Variants in SBNO2 observed in about 807,000 individuals in gnomAD.
SBNO2 encodes the protein strawberry notch homolog 2.
SBNO2 carries 89 observed loss-of-function variants against 146.3 expected under a neutral mutation model. That is an observed-to-expected ratio of 0.61 (90% CI 0.51 to 0.73). The LOEUF is 0.73. SBNO2 is among the 30% of genes least tolerant of loss of function. The pLI is 0.00. For synonymous variants in SBNO2, 1,147 were observed against 892.6 expected (o/e 1.29, Z -5.08); for missense variants, 2,092 against 2,003.7 (o/e 1.04, Z -0.84).
intron 2 of SBNO2, among the ~76,000 whole-genome samples, chr19:1,153,571 CTT>C (rs1355126875): frequency 2.7e-5 from 4 of 150,288 alleles, no homozygotes; most frequent in Non-Finnish European, 5.9e-5. Context: ...GAGTCTCACT[CTT>C]GTCGCCCAGG....
intron 14 of SBNO2, among the ~76,000 whole-genome samples, chr19:1,118,753 C>T (rs3826958): frequency 0.54 from 81,336 of 151,664 alleles, 22,523 homozygotes; most frequent in African/African-American, 0.68. Flanking sequence ...GCACCTGTAA[C>T]TCCAGCTACT....
chr19:1,131,566 C>G (rs1184309347), intron 4 of SBNO2, among the ~76,000 whole-genome samples: 1 of 152,208 alleles, frequency 6.6e-6, no homozygotes, highest in Non-Finnish European at 1.5e-5. Flanking sequence ...CTCCAGGACC[C>G]ATGGGGAGCC....
At position 1,140,771 on chromosome 19, in the gene SBNO2, C is replaced by A. The variant is rs1052677564; in HGVS notation, c.279+6538G>T. Reference sequence around the variant, plus strand: ...CTGCTGACCCCGCCTTGGGCAGGACCAGCCTCTGCTCAGCCTTGGGTCTTC... The same window carrying A: ...CTGCTGACCCCGCCTTGGGCAGGACAAGCCTCTGCTCAGCCTTGGGTCTTC... On this transcript the variant is annotated intron_variant, in intron 4 of 31. Transcript: ENST00000361757. This position sits in a 1 kb window ranked among gnomAD's most constrained non-coding sequence, Gnocchi z 4.4. Among the ~76,000 whole-genome samples the A allele has an allele frequency of 3.9e-5, 6 of 152,136 alleles. No individual in the cohort carries two copies. The highest frequency in any genetic ancestry group is 3.9e-4 in the Admixed American group (6 of 15,268).
Position 1,110,278 on chromosome 19 carries a change from G to A in SBNO2, c.3028+467C>T, listed in dbSNP as rs1397452798. Among the ~76,000 whole-genome samples the A allele has an allele frequency of 2.0e-5, 3 of 152,166 alleles. No homozygotes were observed. Among genetic ancestry groups the A allele is most frequent in the African/African-American group, 7.2e-5 (3 of 41,430 alleles). The stretch of plus-strand genomic sequence containing the variant: ...GAAGTGGTCCTGATGGACAGGCCTG[G>A]CCCCATGAGGCTGGAAGCACAGGCT... On this transcript the variant is annotated intron_variant, in intron 26 of 31. Coordinates refer to ENST00000361757, the MANE Select transcript of SBNO2 (RefSeq NM_014963.3). The surrounding 1 kb of genome is among the most constrained non-coding windows in gnomAD (Gnocchi z 4.9).
In SBNO2 at chr19:1,173,885, G is replaced by A. The variant is rs2080505024; in HGVS notation, c.-127+287C>T. The A allele has an allele frequency of 6.7e-6, 1 of 149,808 alleles. No homozygotes were observed. The highest frequency in any genetic ancestry group is 2.1e-4 in the South Asian group (1 of 4,714). 9.3% of individuals were successfully genotyped at this position (149,808 alleles called of 1,614,324 possible). On this transcript the variant is annotated intron_variant, in intron 1 of 31. Transcript: ENST00000361757. The surrounding 1 kb of genome is among the most constrained non-coding windows in gnomAD (Gnocchi z 4.7). Reference sequence around the variant, plus strand: ...AAGGTTGGGAGGGTTGTCGTGGAAGGTAGGGTTAAGGTTCACGGCAGGGGG... The same window carrying A: ...AAGGTTGGGAGGGTTGTCGTGGAAGATAGGGTTAAGGTTCACGGCAGGGGG...
intron 11 of SBNO2, among the ~76,000 whole-genome samples, chr19:1,121,817 AC>A (rs1416631160): frequency 1.3e-5 from 2 of 152,160 alleles, no homozygotes; most frequent in African/African-American, 4.8e-5. Context: ...ACTTATCAGA[AC>A]CAAGAAACCA....
intron 4 of SBNO2, chr19:1,128,369 A>G (rs2079991665): frequency 6.0e-6 from 2 of 334,692 alleles, no homozygotes; most frequent in South Asian, 4.4e-5. Context: ...CGCGCTGCCC[A>G]GTGAAGGAGA....
rs986678748 is a variant in SBNO2 at position 1,157,478 on chromosome 19, G to A, written c.-126-3076C>T. ...CCCCGAGCCTCAGAGCCACGGGCCA[G>A]CCAAACGTCCAGCGGGCAGCAGAGC... On this transcript the variant is annotated intron_variant, in intron 1 of 31. Coordinates refer to ENST00000361757, the MANE Select transcript of SBNO2 (RefSeq NM_014963.3). The surrounding 1 kb of genome is among the most constrained non-coding windows in gnomAD (Gnocchi z 6.8). Among the ~76,000 whole-genome samples, 1 of 149,112 alleles carries A rather than the reference G, an allele frequency of 6.7e-6. No homozygotes were observed. Among genetic ancestry groups the A allele is most frequent in the Non-Finnish European group, 1.5e-5 (1 of 67,072 alleles).
intron 4 of SBNO2, among the ~76,000 whole-genome samples, chr19:1,130,989 G>C (rs10413076): frequency 6.6e-6 from 1 of 152,170 alleles, no homozygotes; most frequent in African/African-American, 2.4e-5. Flanking sequence ...AGGGAGACGG[G>C]GTTCCCAGGG....
At chr19:1,135,393 A>ATTTTGTCTCAG (rs1244785581) in intron 4 of SBNO2, among the ~76,000 whole-genome samples, 1 of 152,242 alleles carries the variant, frequency 6.6e-6, no homozygotes, top group Non-Finnish European at 1.5e-5. Flanking sequence ...TGGTATGTGA[A>ATTTTGTCTCAG]TTTTGTCTCA....
intron 1 of SBNO2, among the ~76,000 whole-genome samples, chr19:1,162,692 C>T (rs1043978379): frequency 6.6e-6 from 1 of 152,196 alleles, no homozygotes; most frequent in Admixed American, 6.5e-5. Flanking sequence ...TCCTGACCTT[C>T]AACCCCATCT....
At chr19:1,167,951 G>A (rs541862497) in intron 1 of SBNO2, among the ~76,000 whole-genome samples, 10 of 152,272 alleles carry the variant, frequency 6.6e-5, no homozygotes, top group Admixed American at 5.2e-4. Context: ...CCCCCTCTCA[G>A]TGTAACCTCC....
intron 17 of SBNO2, 111 bp downstream of exon 17, chr19:1,115,910 C>CA: frequency 1.2e-6 from 1 of 859,986 alleles, no homozygotes; most frequent in Non-Finnish European, 1.9e-6. Flanking sequence ...ACAGGACCTG[C>CA]ATTTGGCTGA....
At chr19:1,167,104 G>A (rs1347254667) in intron 1 of SBNO2, among the ~76,000 whole-genome samples, 1 of 152,266 alleles carries the variant, frequency 6.6e-6, no homozygotes, top group Non-Finnish European at 1.5e-5. Context: ...GCTTGAGGAC[G>A]GCAGCTCCAA....
At chr19:1,163,184 G>A (rs2080366225) in intron 1 of SBNO2, among the ~76,000 whole-genome samples, 1 of 152,194 alleles carries the variant, frequency 6.6e-6, no homozygotes, top group Non-Finnish European at 1.5e-5. Context: ...TTGCACACGT[G>A]GTTGGTTACA....
chr19:1,142,175 C>T (rs75461404), intron 4 of SBNO2, among the ~76,000 whole-genome samples: 263 of 1,262 alleles, frequency 0.21, no homozygotes, highest in Middle Eastern at 0.5. Flanking sequence ...AATGACCTCC[C>T]TCCCCATGAT....
rs1012514738 is a variant in SBNO2 at position 1,134,358 on chromosome 19, G to A, written c.280-6593C>T. Among the ~76,000 whole-genome samples, 4 of 152,118 alleles carry A rather than the reference G, an allele frequency of 2.6e-5. No homozygotes were observed. The East Asian group carries it at 5.8e-4, about 22-fold the overall frequency. Reference sequence around the variant, plus strand: ...TCCCGGGTGGACCCTCAGCTCCCAGGTGGACCCACAGCTCATGACAGCCTG... The same window carrying A: ...TCCCGGGTGGACCCTCAGCTCCCAGATGGACCCACAGCTCATGACAGCCTG... On this transcript the variant is annotated intron_variant, in intron 4 of 31. Coordinates refer to ENST00000361757, the MANE Select transcript of SBNO2 (RefSeq NM_014963.3).
At chr19:1,165,366 C>T (rs931112855) in intron 1 of SBNO2, among the ~76,000 whole-genome samples, 2 of 152,148 alleles carry the variant, frequency 1.3e-5, no homozygotes, top group African/African-American at 2.4e-5. Flanking sequence ...GCCAGGGGGA[C>T]GTCGTGGCTG....
rs1421815119 is a variant in SBNO2, at chr19:1,140,677, CAGG to C, written c.279+6629_279+6631del. On this transcript the variant is annotated intron_variant, in intron 4 of 31. Transcript: ENST00000361757. This position sits in a 1 kb window ranked among gnomAD's most constrained non-coding sequence, Gnocchi z 4.4. ...GGTCCCACACAGACCCAGCCGTCAGCAGGAGAAGGCACACGGAAAACAGACGGA... is the reference window on the plus strand; with the variant it reads ...GGTCCCACACAGACCCAGCCGTCAGCAGAAGGCACACGGAAAACAGACGGA... Among the ~76,000 whole-genome samples the C allele has an allele frequency of 1.3e-5, 2 of 152,200 alleles. No homozygotes were observed. Among genetic ancestry groups the C allele is most frequent in the Non-Finnish European group, 1.5e-5 (1 of 68,014 alleles).
Sources: allele counts gnomAD v4.1 joint callset (sites outside exome capture counted in the v4.1 genomes callset), GRCh38; gene constraint gnomAD v4.1.1; non-coding constraint Gnocchi (gnomAD v3.1); transcripts MANE v1.5; gene names NCBI Gene and HGNC (gene_info 2026-07-23, HGNC 2026-07-21).